Variants in AFF2 observed in about 807,000 individuals in gnomAD.
AFF2 encodes the protein AF4/FMR2 family member 2.
Under a neutral mutation model 76.9 loss-of-function variants are expected in AFF2, and 14 were observed. That is an observed-to-expected ratio of 0.18 (90% CI 0.12 to 0.28). The LOEUF (loss-of-function observed/expected upper bound fraction) is 0.28. Among genes scored for constraint, AFF2 ranks in the 10% least tolerant of loss-of-function variants. AFF2 has a pLI of 1.00. For synonymous variants in AFF2, 398 were observed against 366.7 expected, an observed-to-expected ratio of 1.09 and a Z score of -0.98; for missense variants, 868 against 1,001.1, an observed-to-expected ratio of 0.87 and a Z score of 1.79.
intron 4 of AFF2, among the ~76,000 whole-genome samples, chrX:148,818,274 A>C (rs1224873728): frequency 8.9e-6 from 1 of 112,286 alleles, no homozygotes; most frequent in Non-Finnish European, 1.9e-5. Context: ...TGTGCAAAAT[A>C]AATGTATGGC....
intron 4 of AFF2, among the ~76,000 whole-genome samples, chrX:148,824,355 T>G (rs185992663): frequency 2.8e-4 from 31 of 111,682 alleles, no homozygotes; most frequent in Admixed American, 1.2e-3. Flanking sequence ...ATTCTGAAGA[T>G]GTACTGTATT....
chrX:148,692,646 C>T (rs2054665641), intron 3 of AFF2, among the ~76,000 whole-genome samples: 1 of 111,935 alleles, frequency 8.9e-6, no homozygotes, highest in Non-Finnish European at 1.9e-5. Context: ...TTGTGTCATA[C>T]ATATAATTAT....
At chrX:148,897,224 T>A (rs1245208272) in intron 8 of AFF2, among the ~76,000 whole-genome samples, 18 of 5,600 alleles carry the variant, frequency 3.2e-3, no homozygotes, top group African/African-American at 0.014. Context: ...TAGTCCACTA[T>A]ATATATATAT....
Position 148,662,347 on chromosome X carries a change from G to T in AFF2, c.620G>T (p.Gly207Val). The T allele has an allele frequency of 8.3e-7, 1 of 1,211,824 alleles. No individual in the cohort carries two copies. Reference protein sequence around the residue: ...FVYPAEQPQIGEVEESNPSAK... With the variant: ...FVYPAEQPQIVEVEESNPSAK... ...TACCCAGCTGAACAGCCCCAGATTG[G>T]AGAAGTTGAAGAGTCAAACCCATCT... Residue 207 changes from glycine (G) to valine (V), a missense_variant, in exon 3 of 21, where the codon GGA becomes GTA. Gly to Val is a moderately radical substitution (Grantham distance 109). This residue lies in a region of AFF2 where 196 missense variants were observed against 194.8 expected (regional missense o/e 1.01). Transcript: ENST00000370460.
intron 9 of AFF2, among the ~76,000 whole-genome samples, chrX:148,926,496 C>T (rs182812054): frequency 3.6e-5 from 4 of 111,572 alleles, no homozygotes; most frequent in Non-Finnish European, 7.5e-5. Flanking sequence ...GGAGAGTCTC[C>T]CTCCACTCTA....
At chrX:148,585,605 C>T (rs782473089) in intron 1 of AFF2, among the ~76,000 whole-genome samples, 6 of 109,755 alleles carry the variant, frequency 5.5e-5, no homozygotes, top group South Asian at 3.9e-4. Context: ...TTTGGGAGGC[C>T]GAGGCGGGCG....
chrX:148,949,409 G>T (rs2071939211), intron 9 of AFF2, among the ~76,000 whole-genome samples: 1 of 111,164 alleles, frequency 9.0e-6, no homozygotes, highest in African/African-American at 3.3e-5. Context: ...CTCTCCCACT[G>T]GCCTACTCTC....
chrX:148,890,851 GATAA>G (rs2071214761), intron 8 of AFF2, among the ~76,000 whole-genome samples: 1 of 112,414 alleles, frequency 8.9e-6, no homozygotes, highest in African/African-American at 3.2e-5. Context: ...CTGAATGGGA[GATAA>G]ATAACTATTT....
At chrX:148,864,895 G>A (rs1557276725) in intron 7 of AFF2, among the ~76,000 whole-genome samples, 3 of 111,969 alleles carry the variant, frequency 2.7e-5, no homozygotes, top group Non-Finnish European at 3.8e-5. Flanking sequence ...TTGTATAAAC[G>A]TTGATGAAAT....
intron 9 of AFF2, among the ~76,000 whole-genome samples, chrX:148,904,873 G>A (rs1557281275): frequency 2.7e-5 from 3 of 112,261 alleles, no homozygotes; most frequent in Non-Finnish European, 5.6e-5. Flanking sequence ...TCTTCCAGAA[G>A]GGAGACTTTC....
At position 148,763,657 on chromosome X, in the gene AFF2, A is replaced by G. The variant is rs1012307201; in HGVS notation, c.1042-46219A>G. Among the ~76,000 whole-genome samples the G allele has an allele frequency of 3.6e-5, 4 of 112,223 alleles. No individual in the cohort carries two copies. The East Asian group carries it at 1.1e-3, about 31-fold the overall frequency. ...AAGGTAGGTGGAACATAAAAGAACA[A>G]CAGCCAACATTGAGGAATATAGAAA... On this transcript the variant is annotated intron_variant, in intron 3 of 20. Coordinates refer to ENST00000370460, the MANE Select transcript of AFF2 (RefSeq NM_002025.4).
At chrX:148,854,270 G>A (rs2070763419) in intron 7 of AFF2, among the ~76,000 whole-genome samples, 1 of 112,020 alleles carries the variant, frequency 8.9e-6, no homozygotes, top group African/African-American at 3.2e-5. Flanking sequence ...GCTAGAAAGA[G>A]TTTGTGTGTC....
Position 148,788,885 on chromosome X carries a change from C to A in AFF2, c.1042-20991C>A, listed in dbSNP as rs150514597. Among the ~76,000 whole-genome samples the A allele has an allele frequency of 2.7e-5, 3 of 111,853 alleles. No individual in the cohort carries two copies. In the East Asian group the frequency reaches 8.4e-4, roughly 31 times the overall value. On this transcript the variant is annotated intron_variant, in intron 3 of 20. Coordinates refer to ENST00000370460, the MANE Select transcript of AFF2 (RefSeq NM_002025.4). ...CAATTTATGAGCATCAGTTGCAAGCCTTGGGTGGTTATGTTTGTCCAGATT... is the reference window on the plus strand; with the variant it reads ...CAATTTATGAGCATCAGTTGCAAGCATTGGGTGGTTATGTTTGTCCAGATT...
At chrX:148,605,832 G>T (rs1424189088) in intron 1 of AFF2, among the ~76,000 whole-genome samples, 3 of 112,063 alleles carry the variant, frequency 2.7e-5, no homozygotes, top group Non-Finnish European at 5.6e-5. Flanking sequence ...GTGAGTGAAT[G>T]AATGAAATAC....
chrX:148,737,139 C>T (rs1446627192), intron 3 of AFF2, among the ~76,000 whole-genome samples: 1 of 110,846 alleles, frequency 9.0e-6, no homozygotes, highest in Non-Finnish European at 1.9e-5. Flanking sequence ...TTGTTTTTTT[C>T]TAATTCTGTG....
intron 3 of AFF2, among the ~76,000 whole-genome samples, chrX:148,724,110 C>G (rs1015767094): frequency 3.6e-5 from 4 of 109,813 alleles, no homozygotes; most frequent in Non-Finnish European, 7.6e-5. Context: ...GTCAATTAAC[C>G]TGAAACATGG....
At chrX:148,678,190 A>G (rs1424885859) in intron 3 of AFF2, among the ~76,000 whole-genome samples, 1 of 112,220 alleles carries the variant, frequency 8.9e-6, no homozygotes, top group African/African-American at 3.2e-5. Context: ...TGAAAGCTTC[A>G]CTTCTTGCAG....
At chrX:148,548,022 C>G (rs1174590019) in intron 1 of AFF2, among the ~76,000 whole-genome samples, 1 of 112,313 alleles carries the variant, frequency 8.9e-6, no homozygotes, top group African/African-American at 3.2e-5. Context: ...TTAACAGAGG[C>G]CATGTGCTAA....
intron 3 of AFF2, among the ~76,000 whole-genome samples, chrX:148,702,023 T>G (rs1211671580): frequency 8.9e-6 from 1 of 112,385 alleles, no homozygotes; most frequent in African/African-American, 3.2e-5. Context: ...ATTTATATTT[T>G]TAGGTTTCAT....
Sources: allele counts gnomAD v4.1 joint callset (sites outside exome capture counted in the v4.1 genomes callset), GRCh38; gene constraint gnomAD v4.1.1; regional missense constraint gnomAD v4.1.1; transcripts MANE v1.5; gene names NCBI Gene and HGNC (gene_info 2026-07-23, HGNC 2026-07-21).